The following MRPS28 variants were observed in gnomAD, a reference collection of about 807,000 sequenced individuals.
The protein encoded by MRPS28 is small ribosomal subunit protein bS1m.
Under a neutral mutation model 10.8 loss-of-function variants are expected in MRPS28, and 7 were observed. The ratio of observed to expected loss-of-function variants is 0.65; its 90% CI spans 0.37 to 1.22. The LOEUF is 1.22. MRPS28 is among the 50% of genes most tolerant of loss of function. MRPS28 has a pLI of 0.02. For missense variants in MRPS28, 265 were observed against 232.9 expected (o/e 1.14, Z -0.90); for synonymous variants, 121 against 93.3 (o/e 1.30, Z -1.71).
intron 2 of MRPS28, among the ~76,000 whole-genome samples, chr8:79,978,306 GAT>G: frequency 6.7e-6 from 1 of 150,054 alleles, no homozygotes; most frequent in East Asian, 2.0e-4. Context: ...GCAACAAAAA[GAT>G]GTTAAAATTT....
At chr8:79,964,430 C>T (rs891464575) in intron 2 of MRPS28, among the ~76,000 whole-genome samples, 1 of 151,966 alleles carries the variant, frequency 6.6e-6, no homozygotes, top group Non-Finnish European at 1.5e-5. Flanking sequence ...TGATACTGGC[C>T]AAAAAACCTA....
intron 2 of MRPS28, among the ~76,000 whole-genome samples, chr8:79,955,459 T>C (rs1317109637): frequency 6.6e-6 from 1 of 152,160 alleles, no homozygotes; most frequent in Non-Finnish European, 1.5e-5. Context: ...TAGGTGAGGA[T>C]GTTGCCAAAC....
chr8:79,972,815 T>C (rs1396827882), intron 2 of MRPS28, among the ~76,000 whole-genome samples: 1 of 152,232 alleles, frequency 6.6e-6, no homozygotes, highest in African/African-American at 2.4e-5. Flanking sequence ...ATAGTGAATA[T>C]TTCCTTAATT....
intron 2 of MRPS28, among the ~76,000 whole-genome samples, chr8:79,987,271 C>T (rs1198407255): frequency 7.3e-5 from 11 of 151,548 alleles, no homozygotes; most frequent in Admixed American, 5.3e-4. Flanking sequence ...ATACAAAAAT[C>T]AATTCAAGAT....
chr8:79,932,500 A>G (rs1029017721), intron 2 of MRPS28, among the ~76,000 whole-genome samples: 1 of 152,148 alleles, frequency 6.6e-6, no homozygotes, highest in Non-Finnish European at 1.5e-5. Flanking sequence ...TACTGGCAGG[A>G]CTCGCAGGTC....
chr8:79,933,509 T>C (rs1003106000), intron 2 of MRPS28, among the ~76,000 whole-genome samples: 2 of 152,214 alleles, frequency 1.3e-5, no homozygotes, highest in African/African-American at 4.8e-5. Flanking sequence ...AACAAGGTCT[T>C]ATTATCATAT....
At chr8:79,982,078 C>A (rs981064990) in intron 2 of MRPS28, among the ~76,000 whole-genome samples, 1 of 152,080 alleles carries the variant, frequency 6.6e-6, no homozygotes, top group Non-Finnish European at 1.5e-5. Context: ...GAAACCCCAT[C>A]TCTACTAAAA....
intron 2 of MRPS28, among the ~76,000 whole-genome samples, chr8:79,946,323 G>A (rs7812815): frequency 0.8 from 121,496 of 152,032 alleles, 49,304 homozygotes; most frequent in African/African-American, 0.95. Context: ...AACTATTAAT[G>A]TGTATATACT....
intron 2 of MRPS28, among the ~76,000 whole-genome samples, chr8:79,919,937 T>TCCCACCC (rs372831451): frequency 9.8e-6 from 1 of 102,166 alleles, no homozygotes; most frequent in Non-Finnish European, 1.9e-5. Context: ...CCTAATGCTA[T>TCCCACCC]CCCTCCCCCC....
intron 2 of MRPS28, among the ~76,000 whole-genome samples, chr8:79,929,936 A>G (rs969914531): frequency 6.6e-6 from 1 of 152,208 alleles, no homozygotes; most frequent in Admixed American, 6.5e-5. Flanking sequence ...TTAAAAAAAG[A>G]GCAGTCAGCC....
intron 2 of MRPS28, chr8:79,958,281 T>C (rs1470601722): frequency 1.5e-6 from 1 of 654,708 alleles, no homozygotes; most frequent in Non-Finnish European, 2.7e-6. Flanking sequence ...TGTGAATGGC[T>C]TCTTTCATTT....
chr8:80,005,582 A>G (rs1464324571), intron 1 of MRPS28, among the ~76,000 whole-genome samples: 1 of 152,210 alleles, frequency 6.6e-6, no homozygotes, highest in Non-Finnish European at 1.5e-5. Context: ...TAAACTAATG[A>G]GCAAAACAAC....
chr8:79,994,804 A>T (rs936402004), intron 2 of MRPS28, among the ~76,000 whole-genome samples: 6 of 152,086 alleles, frequency 3.9e-5, no homozygotes, highest in Non-Finnish European at 8.8e-5. Flanking sequence ...ATTCCTTGAA[A>T]ATCTGGCTCC....
chr8:79,921,458 T>A (rs1394626864), intron 2 of MRPS28, among the ~76,000 whole-genome samples: 2 of 150,900 alleles, frequency 1.3e-5, no homozygotes, highest in African/African-American at 2.4e-5. Flanking sequence ...TATCCTCTTT[T>A]ATTTCATTGA....
At chr8:80,006,374 A>G (rs966818908) in intron 1 of MRPS28, among the ~76,000 whole-genome samples, 1 of 152,218 alleles carries the variant, frequency 6.6e-6, no homozygotes, top group Non-Finnish European at 1.5e-5. Flanking sequence ...CTGCTCCTGA[A>G]TGACTACTGG....
chr8:80,013,900 A>C (rs980974718), intron 1 of MRPS28, among the ~76,000 whole-genome samples: 2 of 152,132 alleles, frequency 1.3e-5, no homozygotes, highest in Non-Finnish European at 2.9e-5. Flanking sequence ...ACTTACATTT[A>C]TCTCTCTCCC....
At chr8:79,980,622 G>A (rs564353583) in intron 2 of MRPS28, among the ~76,000 whole-genome samples, 86 of 152,186 alleles carry the variant, frequency 5.7e-4, no homozygotes, top group African/African-American at 1.8e-3. Flanking sequence ...AACACCAAAG[G>A]AACTAAGAAC....
At chr8:79,975,085 C>T (rs113395022) in intron 2 of MRPS28, among the ~76,000 whole-genome samples, 5,369 of 152,134 alleles carry the variant, frequency 0.035, 250 homozygotes, top group African/African-American at 0.1. Flanking sequence ...AGGATTTCAA[C>T]ATCAGCCTGG....
At chr8:79,945,013 A>G (rs1251737164) in intron 2 of MRPS28, among the ~76,000 whole-genome samples, 1 of 152,100 alleles carries the variant, frequency 6.6e-6, no homozygotes, top group Non-Finnish European at 1.5e-5. Context: ...TAATTTTTCT[A>G]AACACAAAAC....
Sources: allele counts gnomAD v4.1 joint callset (sites outside exome capture counted in the v4.1 genomes callset), GRCh38; gene constraint gnomAD v4.1.1; transcripts MANE v1.5; gene names NCBI Gene and HGNC (gene_info 2026-07-23, HGNC 2026-07-21).